Variants in PHACTR2 observed in about 807,000 individuals in gnomAD.
PHACTR2 encodes phosphatase and actin regulator 2.
PHACTR2 carries 30 observed loss-of-function variants against 76.0 expected under a neutral mutation model. That is an observed-to-expected ratio of 0.39 (90% confidence interval 0.30 to 0.54). The LOEUF is 0.54. Among genes scored for constraint, PHACTR2 ranks in the 20% least tolerant of loss-of-function variants. The pLI is 0.61. For synonymous variants in PHACTR2, 292 were observed against 292.5 expected, an observed-to-expected ratio of 1.00 and a Z score of 0.02; for missense variants, 696 against 781.1, an observed-to-expected ratio of 0.89 and a Z score of 1.30.
At chr6:143,752,003 C>G (rs921172331) in intron 3 of PHACTR2, among the ~76,000 whole-genome samples, 58 of 152,046 alleles carry the variant, frequency 3.8e-4, no homozygotes, top group Admixed American at 3.5e-3. Flanking sequence ...TTCATACTAA[C>G]TAGCTTTATT....
At chr6:143,814,170 A>G (rs1776248215) in intron 12 of PHACTR2, among the ~76,000 whole-genome samples, 2 of 152,170 alleles carry the variant, frequency 1.3e-5, no homozygotes, top group African/African-American at 4.8e-5. Context: ...AGCTTGGCCA[A>G]CATGGAGAAT....
intron 9 of PHACTR2, among the ~76,000 whole-genome samples, chr6:143,779,626 G>A (rs1007310005): frequency 7.2e-5 from 11 of 152,080 alleles, no homozygotes; most frequent in African/African-American, 2.7e-4. Context: ...GGGATTACGG[G>A]TGTAAGCCAC....
chr6:143,566,344 A>G (rs1775362018), intron 1 of PHACTR2, among the ~76,000 whole-genome samples: 1 of 151,488 alleles, frequency 6.6e-6, no homozygotes, highest in Non-Finnish European at 1.5e-5. Context: ...GCCAGGCTGG[A>G]GTTCAGTGGT....
At chr6:143,732,408 C>T (rs1185169712) in intron 2 of PHACTR2, among the ~76,000 whole-genome samples, 1 of 152,194 alleles carries the variant, frequency 6.6e-6, no homozygotes, top group African/African-American at 2.4e-5. Flanking sequence ...TGATATCTTT[C>T]ACTTAGCAAG....
rs1027712716 is a variant in PHACTR2 at position 143,617,121 on chromosome 6, G to C, written c.13+8799G>C. 6.6e-6 allele frequency among the ~76,000 whole-genome samples: 1 copy of C among 152,202 alleles called. No individual in the cohort carries two copies. The highest frequency in any genetic ancestry group is 2.4e-5 in the African/African-American group (1 of 41,452). On this transcript the variant is annotated intron_variant, in intron 1 of 11. Transcript: ENST00000305766. This position sits in a 1 kb window ranked among gnomAD's most constrained non-coding sequence, Gnocchi z 4.8. ...TCCTAAGAATGAAATCCACTTAGAA[G>C]GCTCTTGATGGAGGTGGTGGCAGTG...
At chr6:143,779,914 A>G (rs1562304650) in intron 9 of PHACTR2, among the ~76,000 whole-genome samples, 1 of 103,994 alleles carries the variant, frequency 9.6e-6, no homozygotes, top group African/African-American at 2.7e-5. Context: ...ATTATATTAT[A>G]TTATATTATA....
At chr6:143,667,939 G>A (rs1582751885) in intron 1 of PHACTR2, among the ~76,000 whole-genome samples, 1 of 152,170 alleles carries the variant, frequency 6.6e-6, no homozygotes, top group East Asian at 1.9e-4. Flanking sequence ...TGGTGAGAGA[G>A]GGCATCCTTG....
chr6:143,768,129 C>T (rs1774990946), intron 6 of PHACTR2, among the ~76,000 whole-genome samples: 1 of 152,320 alleles, frequency 6.6e-6, no homozygotes, highest in East Asian at 1.9e-4. Flanking sequence ...AGCCACCATA[C>T]CCAGCTAGGA....
intron 2 of PHACTR2, among the ~76,000 whole-genome samples, chr6:143,728,732 G>C (rs1162443063): frequency 6.6e-6 from 1 of 152,022 alleles, no homozygotes; most frequent in African/African-American, 2.4e-5. Context: ...ATATAGATTA[G>C]GGAAAGAACA....
Position 143,760,615 on chromosome 6 carries a change from A to T in PHACTR2, c.669A>T (p.Ala223=), listed in dbSNP as rs776466400. Residue 223 remains alanine, a synonymous_variant, in exon 5 of 13, where the codon GCA becomes GCT. Transcript: ENST00000440869. This position sits in a 1 kb window ranked among gnomAD's most constrained non-coding sequence, Gnocchi z 6.4. The stretch of plus-strand genomic sequence containing the variant: ...CCCCCGTCCCTCCACCCAAGCCAGC[A>T]AGCCGAAACACGACCCGAGAGGCTG... ...KQAPVPPPKP[A]SRNTTREAAG... The T allele has an allele frequency of 1.9e-6, 3 of 1,613,746 alleles. No individual in the cohort carries two copies. Among genetic ancestry groups the T allele is most frequent in the Non-Finnish European group, 2.5e-6 (3 of 1,179,870 alleles).
chr6:143,793,994 T>C lies in PHACTR2; in HGVS notation c.1845+5084T>C, dbSNP rs1404722035. ...TGCAACAATTTAAGATGTTTATGTGTAGTATATTGTATATACACAAGTGAT... is the reference window on the plus strand; with the variant it reads ...TGCAACAATTTAAGATGTTTATGTGCAGTATATTGTATATACACAAGTGAT... On this transcript the variant is annotated intron_variant, in intron 11 of 12. Transcript: ENST00000440869. This position sits in a 1 kb window ranked among gnomAD's most constrained non-coding sequence, Gnocchi z 4.4. Among the ~76,000 whole-genome samples, 4 of 152,076 alleles carry C rather than the reference T, an allele frequency of 2.6e-5. No individual in the cohort carries two copies. The highest frequency in any genetic ancestry group is 5.9e-5 in the Non-Finnish European group (4 of 68,016).
rs747236593 is a variant in PHACTR2, at chr6:143,663,343, G to A, written c.14-48673G>A. ...TGCTGAGTGAAGGCTTGCCCTCCCCGTGGATGAATGAAGTACTGAATATCC... is the reference window on the plus strand; with the variant it reads ...TGCTGAGTGAAGGCTTGCCCTCCCCATGGATGAATGAAGTACTGAATATCC... On this transcript the variant is annotated intron_variant, in intron 1 of 11. Transcript: ENST00000305766. The surrounding 1 kb of genome is among the most constrained non-coding windows in gnomAD (Gnocchi z 4.1). Among the ~76,000 whole-genome samples the A allele has an allele frequency of 2.6e-5, 4 of 152,152 alleles. No individual in the cohort carries two copies. Among genetic ancestry groups the A allele is most frequent in the African/African-American group, 4.8e-5 (2 of 41,428 alleles).
At chr6:143,786,130 T>A (rs1412953603) in intron 10 of PHACTR2, among the ~76,000 whole-genome samples, 5 of 152,224 alleles carry the variant, frequency 3.3e-5, no homozygotes, top group Non-Finnish European at 7.3e-5. Context: ...TGTTTCCCTT[T>A]TAAAATGGAA....
chr6:143,787,127 C>A lies in PHACTR2; in HGVS notation c.1708-1646C>A, dbSNP rs1249332762. 6.6e-6 allele frequency among the ~76,000 whole-genome samples: 1 copy of A among 152,234 alleles called. No individual in the cohort carries two copies. Among genetic ancestry groups the A allele is most frequent in the Non-Finnish European group, 1.5e-5 (1 of 68,044 alleles). On this transcript the variant is annotated intron_variant, in intron 10 of 12. Coordinates refer to ENST00000440869, the MANE Select transcript of PHACTR2 (RefSeq NM_001100164.2). The surrounding 1 kb of genome is among the most constrained non-coding windows in gnomAD (Gnocchi z 4.6). Reference sequence around the variant, plus strand: ...CCTCCATGAGGCAGCAGTGCCAGCCCTTACCCTCTGCACCCACTTGCCTCC... The same window carrying A: ...CCTCCATGAGGCAGCAGTGCCAGCCATTACCCTCTGCACCCACTTGCCTCC...
At chr6:143,594,506 A>G (rs545858483) in intron 1 of PHACTR2, among the ~76,000 whole-genome samples, 2 of 152,346 alleles carry the variant, frequency 1.3e-5, no homozygotes, top group Admixed American at 1.3e-4. Context: ...ATTAAAGGCT[A>G]ATTATTTGTG....
chr6:143,702,728 G>A (rs1017205734), intron 1 of PHACTR2, among the ~76,000 whole-genome samples: 1 of 143,562 alleles, frequency 7.0e-6, no homozygotes, highest in African/African-American at 2.6e-5. Flanking sequence ...ACATTGCTCA[G>A]AACTACTGAG....
chr6:143,604,096 CAAAAA>C (rs5880568), upstream of PHACTR2, among the ~76,000 whole-genome samples: 3 of 110,350 alleles, frequency 2.7e-5, no homozygotes, highest in African/African-American at 3.4e-5. Flanking sequence ...GACTCTGATT[CAAAAA>C]AAAAAAAAAA....
Position 143,695,437 on chromosome 6 carries a change from C to G in PHACTR2, c.47-16579C>G, listed in dbSNP as rs1022892987. Among the ~76,000 whole-genome samples the G allele has an allele frequency of 2.6e-5, 4 of 152,216 alleles. No homozygotes were observed. The highest frequency in any genetic ancestry group is 2.6e-4 in the Admixed American group (4 of 15,274). ...TGGATCCAAGACCCTATTTCAGATT[C>G]AACATTCAATACCCTAAGGCATAAA... On this transcript the variant is annotated intron_variant, in intron 1 of 12. Coordinates refer to ENST00000440869, the MANE Select transcript of PHACTR2 (RefSeq NM_001100164.2). The surrounding 1 kb of genome is among the most constrained non-coding windows in gnomAD (Gnocchi z 4.4).
rs1444450067 is a variant in PHACTR2, at chr6:143,831,014, T to C, written c.*7325T>C. On this transcript the variant is annotated 3_prime_UTR_variant, in exon 13 of 13. Transcript: ENST00000440869. The surrounding 1 kb of genome is among the most constrained non-coding windows in gnomAD (Gnocchi z 5.2). ...CCTGGTACTTTTTATTTAAAATGTC[T>C]GTCTAAAGAATTACTGCTCTTAAAA... The C allele has an allele frequency of 6.6e-6, 1 of 152,264 alleles. No individual in the cohort carries two copies. The highest frequency in any genetic ancestry group is 2.4e-5 in the African/African-American group (1 of 41,474). The allele number at this position is 152,264 out of a possible 1,614,324, so 9.4% of individuals were successfully genotyped here.
Sources: allele counts gnomAD v4.1 joint callset (sites outside exome capture counted in the v4.1 genomes callset), GRCh38; gene constraint gnomAD v4.1.1; non-coding constraint Gnocchi (gnomAD v3.1); transcripts MANE v1.5; gene names NCBI Gene and HGNC (gene_info 2026-07-23, HGNC 2026-07-21).